AGBL2: variants seen among roughly 807,000 people sequenced by gnomAD.
AGBL2 encodes cytosolic carboxypeptidase 2.
AGBL2 carries 87 observed loss-of-function variants against 103.0 expected under a neutral mutation model. The observed-to-expected ratio is 0.84, with a 90% CI of 0.71 to 1.01. The LOEUF (loss-of-function observed/expected upper bound fraction) is 1.01, where lower values mean the gene tolerates loss of function less well. Among genes scored for constraint, AGBL2 ranks in the 50% least tolerant of loss-of-function variants. The pLI is 0.00. For missense variants in AGBL2, 904 were observed against 1,023.5 expected (o/e 0.88, Z 1.59); for synonymous variants, 335 against 356.7 (o/e 0.94, Z 0.69).
chr11:47,705,843 G>A (rs1254409359), intron 5 of AGBL2, 21 bp downstream of exon 5: 3 of 1,611,356 alleles, frequency 1.9e-6, no homozygotes, highest in South Asian at 2.2e-5. Flanking sequence ...GAATCTTCTG[G>A]TCTGGAAGGA....
rs2097324033 is a variant in AGBL2, at chr11:47,659,951, CATA to C, written c.*219_*221del. The C allele has an allele frequency of 7.2e-6, 3 of 416,008 alleles. No individual in the cohort carries two copies. The highest frequency in any genetic ancestry group is 4.1e-5 in the African/African-American group (2 of 48,998). 25.8% of individuals were successfully genotyped at this position (416,008 alleles called of 1,614,324 possible). ...TTTCTGATAAAGCATTTTTACACAT[CATA>C]ATAAAATTTCATTTTATGAAAAAAT... On this transcript the variant is annotated 3_prime_UTR_variant, in exon 19 of 19. Coordinates refer to ENST00000525123, the MANE Select transcript of AGBL2 (RefSeq NM_024783.4).
intron 17 of AGBL2, among the ~76,000 whole-genome samples, chr11:47,663,691 G>C (rs2097333741): frequency 6.6e-6 from 1 of 151,608 alleles, no homozygotes. Flanking sequence ...CAAGTAGCTG[G>C]GATTACAGGC....
At chr11:47,678,955 A>C (rs1438688430) in intron 13 of AGBL2, among the ~76,000 whole-genome samples, 1 of 146,340 alleles carries the variant, frequency 6.8e-6, no homozygotes, top group Non-Finnish European at 1.5e-5. Flanking sequence ...GCTACTCAGT[A>C]GACTGAGGCA....
At chr11:47,710,548 C>A (rs1240628008) in intron 3 of AGBL2, 37 bp from the exon 4 acceptor site, 1 of 1,611,102 alleles carries the variant, frequency 6.2e-7, no homozygotes, top group African/African-American at 1.3e-5. Flanking sequence ...TGCTGGAAGG[C>A]CGACTCATCA....
At chr11:47,679,094 A>G (rs2097390964) in intron 13 of AGBL2, among the ~76,000 whole-genome samples, 1 of 146,050 alleles carries the variant, frequency 6.8e-6, no homozygotes, top group African/African-American at 2.5e-5. Context: ...AAAAAAGAAA[A>G]GACACCTGAT....
At position 47,686,068 on chromosome 11, in the gene AGBL2, A is replaced by G. The variant is rs1467526941; in HGVS notation, c.1632-19T>C. ...AAGAAGTCTATTGAGGGGGCAAACAAAGGACTCAGTGGACACCCAAATGCA... is the reference window on the plus strand; with the variant it reads ...AAGAAGTCTATTGAGGGGGCAAACAGAGGACTCAGTGGACACCCAAATGCA... On this transcript the variant is annotated intron_variant, in intron 10 of 18. Coordinates refer to ENST00000525123, the MANE Select transcript of AGBL2 (RefSeq NM_024783.4). 1.9e-6 allele frequency: 3 copies of G among 1,612,612 alleles called. No individual in the cohort carries two copies. Among genetic ancestry groups the G allele is most frequent in the East Asian group, 2.2e-5 (1 of 44,840 alleles).
In AGBL2 at chr11:47,660,556, A is replaced by ATT. The variant is rs11380369; in HGVS notation, c.2536-212_2536-211dup. On this transcript the variant is annotated intron_variant, in intron 18 of 18. Coordinates refer to ENST00000525123, the MANE Select transcript of AGBL2 (RefSeq NM_024783.4). ...CCAAATCAAGGTCAACATGAGACAC[A>ATT]TTTTTTTTTTTTTTTGAGATGGAGT... Among the ~76,000 whole-genome samples, 144 of 143,398 alleles carry ATT rather than the reference A, an allele frequency of 1.0e-3. 1 individual carries two copies. Among genetic ancestry groups the ATT allele is most frequent in the South Asian group, 2.2e-3 (10 of 4,528 alleles). The allele number at this position is 143,398 out of a possible 152,430, so 94.1% of individuals were successfully genotyped here.
At chr11:47,695,226 G>A (rs2097463140) in intron 8 of AGBL2, among the ~76,000 whole-genome samples, 1 of 152,126 alleles carries the variant, frequency 6.6e-6, no homozygotes, top group South Asian at 2.1e-4. Context: ...TGTAATCCCA[G>A]CACTTTGGGA....
chr11:47,687,134 T>TAAA (rs201354384), intron 10 of AGBL2, among the ~76,000 whole-genome samples: 2 of 125,570 alleles, frequency 1.6e-5, no homozygotes, highest in South Asian at 6.2e-4. Context: ...ATAATAATAA[T>TAAA]AAAAAAATAA....
Position 47,679,958 on chromosome 11 carries a change from A to C in AGBL2, c.2016+15T>G. 6.5e-7 allele frequency: 1 copy of C among 1,545,620 alleles called. No individual in the cohort carries two copies. The highest frequency in any genetic ancestry group is 8.9e-7 in the Non-Finnish European group (1 of 1,119,574). ...TGCCTGGCCTTCATCACATTTCTTG[A>C]AACCCCATTTTTACCTTCATTTGGT... On this transcript the variant is annotated intron_variant, in intron 13 of 18. Transcript: ENST00000525123.
chr11:47,705,790 T>C lies in AGBL2; in HGVS notation c.286+74A>G, dbSNP rs1042429976. On this transcript the variant is annotated intron_variant, in intron 5 of 18. Transcript: ENST00000525123. ...CCTGTCTGGTAATTCTTAGGTCTGG[T>C]GGGAACAGCAGGTGATGAAGACATA... 2.9e-5 allele frequency: 38 copies of C among 1,313,532 alleles called. 1 individual carries two copies. Among genetic ancestry groups the C allele is most frequent in the Non-Finnish European group, 3.9e-5 (35 of 906,546 alleles). 81.4% of individuals were successfully genotyped at this position (1,313,532 alleles called of 1,614,324 possible).
At chr11:47,704,757 A>G in intron 6 of AGBL2, 29 bp from the exon 7 acceptor site, 2 of 1,592,028 alleles carry the variant, frequency 1.3e-6, no homozygotes, top group Non-Finnish European at 1.7e-6. Flanking sequence ...GTAAGTGAAC[A>G]TCTTCCTTTT....
chr11:47,663,639 C>T (rs2097333592), intron 17 of AGBL2, among the ~76,000 whole-genome samples: 1 of 151,804 alleles, frequency 6.6e-6, no homozygotes, highest in African/African-American at 2.4e-5. Flanking sequence ...TCACTGCAAC[C>T]TCTGCCTCCC....
rs2097323484 is a variant in AGBL2 at position 47,659,605 on chromosome 11, T to A, written c.*568A>T. 1 of 152,154 alleles carries A rather than the reference T, an allele frequency of 6.6e-6. No individual in the cohort carries two copies. The highest frequency in any genetic ancestry group is 2.1e-4 in the South Asian group (1 of 4,832). The allele number at this position is 152,154 out of a possible 1,614,324, so 9.4% of individuals were successfully genotyped here. A position where few individuals can be genotyped will look rare whatever the true frequency, so the allele number is the denominator to read the frequency against. Reference sequence around the variant, plus strand: ...GAAACAACTGGTTAGAGAGAAAGAATTTTAATCATCAGCCTAAAAAAATTA... The same window carrying A: ...GAAACAACTGGTTAGAGAGAAAGAAATTTAATCATCAGCCTAAAAAAATTA... On this transcript the variant is annotated 3_prime_UTR_variant, in exon 19 of 19. Coordinates refer to ENST00000525123, the MANE Select transcript of AGBL2 (RefSeq NM_024783.4).
Position 47,690,407 on chromosome 11 carries a change from CG to C in AGBL2, c.1299del (p.Val434PhefsTer24). 1 of 1,614,068 alleles carries C rather than the reference CG, an allele frequency of 6.2e-7. No individual in the cohort carries two copies. Among genetic ancestry groups the C allele is most frequent in the Non-Finnish European group, 8.5e-7 (1 of 1,179,996 alleles). Reference protein sequence around the residue: ...QTLCRSLAGNTVYLLTITNPS... With the variant: ...QTLCRSLAGNXVYLLTITNPS... ...GGGTTGGTGATGGTGAGCAAGTAAA[CG>C]GTATTTCCTGCTAGGCTCCTGCATA... On this transcript the variant is annotated frameshift_variant, in exon 10 of 19. Transcript: ENST00000525123. LOFTEE classifies it high-confidence loss of function.
Position 47,677,324 on chromosome 11 carries a change from A to G in AGBL2, c.2094T>C (p.Asp698=). The G allele has an allele frequency of 6.2e-7, 1 of 1,611,834 alleles. No individual in the cohort carries two copies. The highest frequency in any genetic ancestry group is 8.5e-7 in the Non-Finnish European group (1 of 1,178,718). The part of the protein sequence containing the change: ...IHKKFHELGQ[D]VDLEGSWSDI... ...CACTCCAACTTCCTTCTAAATCTAC[A>G]TCTTGTCCAAGTTCATGGAATTTCT... The change falls in exon 14 of 19, where the codon GAT becomes GAC. Residue 698 remains aspartate (D), a synonymous_variant. Coordinates refer to ENST00000525123, the MANE Select transcript of AGBL2 (RefSeq NM_024783.4).
At chr11:47,669,231 C>T (rs2097349982) in intron 14 of AGBL2, among the ~76,000 whole-genome samples, 1 of 152,102 alleles carries the variant, frequency 6.6e-6, no homozygotes, top group African/African-American at 2.4e-5. Flanking sequence ...CCATGCCTGG[C>T]TAATTTTTAA....
chr11:47,676,813 CAA>C (rs566335901), intron 14 of AGBL2, among the ~76,000 whole-genome samples: 939 of 69,820 alleles, frequency 0.013, 12 homozygotes, highest in African/African-American at 0.04. Flanking sequence ...GCCTCCATCT[CAA>C]AAAAAAAAAA....
chr11:47,705,546 T>C lies in AGBL2; in HGVS notation c.375A>G (p.Ser125=), dbSNP rs1475821222. ...PPPRFKDSPA[S]AFRVAGITDS... ...CTGTAATCCCAGCTACTCGGAAAGC[T>C]GAGGCAGGAGAATCCTTGAATCTGG... The change falls in exon 6 of 19, where the codon TCA becomes TCG. Residue 125 remains serine (S), a synonymous_variant. Coordinates refer to ENST00000525123, the MANE Select transcript of AGBL2 (RefSeq NM_024783.4). The C allele has an allele frequency of 2.7e-5, 11 of 411,766 alleles. No individual in the cohort carries two copies. Among genetic ancestry groups the C allele is most frequent in the Non-Finnish European group, 9.1e-6 (2 of 220,420 alleles). The allele number at this position is 411,766 out of a possible 1,614,324, so 25.5% of individuals were successfully genotyped here. A position where few individuals can be genotyped will look rare whatever the true frequency, so the allele number is the denominator to read the frequency against.
Sources: gnomAD v4.1 joint callset for allele counts (sites outside exome capture counted in the v4.1 genomes callset) on GRCh38, gnomAD v4.1.1 for gene constraint, MANE v1.5 for transcripts, NCBI Gene and HGNC (gene_info 2026-07-23, HGNC 2026-07-21) for gene names.